The following CYRIA variants were observed in gnomAD, a reference collection of about 807,000 sequenced individuals.
CYRIA encodes CYFIP-related Rac1 interactor A.
CYRIA carries 15 observed loss-of-function variants against 43.9 expected under a neutral mutation model. The observed-to-expected ratio is 0.34, with a 90% CI of 0.23 to 0.53. The LOEUF (loss-of-function observed/expected upper bound fraction) is 0.53. Ranked by LOEUF, CYRIA falls within the 20% of genes least tolerant of loss-of-function variation. CYRIA has a pLI of 0.94. For missense variants in CYRIA, 236 were observed against 394.2 expected (o/e 0.60, Z 3.40); for synonymous variants, 117 against 136.0 (o/e 0.86, Z 0.97).
chr2:16,615,028 C>G (rs370297767), intron 2 of CYRIA, among the ~76,000 whole-genome samples: 16 of 152,322 alleles, frequency 1.1e-4, no homozygotes, highest in African/African-American at 3.8e-4. Context: ...CATAAAGGAG[C>G]TCTGGCAATG....
chr2:16,598,792 G>A (rs1668096305), intron 2 of CYRIA, among the ~76,000 whole-genome samples: 1 of 118,564 alleles, frequency 8.4e-6, no homozygotes, highest in Non-Finnish European at 1.7e-5. Flanking sequence ...CGTTCCTTTG[G>A]AGGAGGAGAG....
intron 10 of CYRIA, 104 bp downstream of exon 10, chr2:16,559,356 A>T: frequency 7.5e-7 from 1 of 1,337,086 alleles, no homozygotes; most frequent in East Asian, 2.4e-5. Flanking sequence ...TCTTAGAAAG[A>T]TCACTCTCAG....
intron 3 of CYRIA, among the ~76,000 whole-genome samples, chr2:16,581,816 G>A (rs1168024582): frequency 6.6e-6 from 1 of 151,872 alleles, no homozygotes; most frequent in Non-Finnish European, 1.5e-5. Flanking sequence ...TCATCAACAG[G>A]AAAATGAAAA....
At chr2:16,568,751 G>A (rs1357097386) in intron 3 of CYRIA, among the ~76,000 whole-genome samples, 2 of 152,190 alleles carry the variant, frequency 1.3e-5, no homozygotes, top group Admixed American at 1.3e-4. Context: ...TCAGGGCTAA[G>A]ACTATTTGAG....
chr2:16,654,643 A>T (rs1002671582), intron 1 of CYRIA, among the ~76,000 whole-genome samples: 1 of 152,174 alleles, frequency 6.6e-6, no homozygotes, highest in South Asian at 2.1e-4. Context: ...AGCAAATTTT[A>T]AAAAAAACCT....
intron 3 of CYRIA, among the ~76,000 whole-genome samples, chr2:16,566,351 G>A (rs971317405): frequency 6.6e-5 from 10 of 152,138 alleles, no homozygotes; most frequent in Admixed American, 6.5e-4. Flanking sequence ...GAATATTTCT[G>A]CTTTGATTGA....
At chr2:16,607,317 C>CG (rs1668440599) in intron 2 of CYRIA, among the ~76,000 whole-genome samples, 1 of 7,182 alleles carries the variant, frequency 1.4e-4, no homozygotes, top group Admixed American at 1.6e-3. Flanking sequence ...CAGGGAGGGG[C>CG]GGGTGGGGGG....
rs1017136684 is a variant in CYRIA, at chr2:16,551,434, C to T, written c.*1502G>A. ...TTTACTTAGAAGGGTTGAATCCCATCCCATAGTATGTATTCACAGCCACAT... is the reference window on the plus strand; with the variant it reads ...TTTACTTAGAAGGGTTGAATCCCATTCCATAGTATGTATTCACAGCCACAT... On this transcript the variant is annotated 3_prime_UTR_variant, in exon 12 of 12. Transcript: ENST00000381323. 3 of 152,118 alleles carry T rather than the reference C, an allele frequency of 2.0e-5. No homozygotes were observed. The highest frequency in any genetic ancestry group is 4.4e-5 in the Non-Finnish European group (3 of 68,014). The allele number at this position is 152,118 out of a possible 1,614,324, so 9.4% of individuals were successfully genotyped here.
intron 1 of CYRIA, among the ~76,000 whole-genome samples, chr2:16,635,731 T>C (rs561268602): frequency 6.6e-6 from 1 of 152,296 alleles, no homozygotes; most frequent in South Asian, 2.1e-4. Context: ...AGAGCCGCGA[T>C]GGTCAGAAGA....
At position 16,557,308 on chromosome 2, in the gene CYRIA, C is replaced by T. The variant is rs370954744; in HGVS notation, c.837+2152G>A. 8.5e-5 allele frequency among the ~76,000 whole-genome samples: 13 copies of T among 152,236 alleles called. No homozygotes were observed. In the East Asian group the frequency reaches 1.2e-3, roughly 14 times the overall value. On this transcript the variant is annotated intron_variant, in intron 10 of 11. Coordinates refer to ENST00000381323, the MANE Select transcript of CYRIA (RefSeq NM_030797.4). ...AACATCACCCTCTGTCTCTGCTCTTCGGCAAAACGAGTTTCTCCCTCCCCC... is the reference window on the plus strand; with the variant it reads ...AACATCACCCTCTGTCTCTGCTCTTTGGCAAAACGAGTTTCTCCCTCCCCC...
chr2:16,580,809 C>A (rs183615685), intron 3 of CYRIA, among the ~76,000 whole-genome samples: 1 of 152,168 alleles, frequency 6.6e-6, no homozygotes, highest in East Asian at 1.9e-4. Context: ...AACAGAGAGT[C>A]CTGAAGTAGC....
intron 1 of CYRIA, among the ~76,000 whole-genome samples, chr2:16,658,951 G>A (rs1466341813): frequency 2.0e-5 from 3 of 152,132 alleles, no homozygotes; most frequent in African/African-American, 7.2e-5. Flanking sequence ...CCTCAACTGG[G>A]AGCGATCCAC....
chr2:16,621,560 A>T (rs938007780), intron 2 of CYRIA, among the ~76,000 whole-genome samples: 1 of 152,172 alleles, frequency 6.6e-6, no homozygotes, highest in Non-Finnish European at 1.5e-5. Context: ...TAAACACCCA[A>T]GTCCTTTCTG....
chr2:16,659,220 G>C (rs1048761765), intron 1 of CYRIA, among the ~76,000 whole-genome samples: 1 of 152,152 alleles, frequency 6.6e-6, no homozygotes. Context: ...TTAACTCCAT[G>C]CTCCTCACAT....
chr2:16,555,213 T>G, intron 10 of CYRIA, 74 bp from the exon 11 acceptor site: 1 of 1,332,368 alleles, frequency 7.5e-7, no homozygotes, highest in Non-Finnish European at 1.1e-6. Context: ...CATAATAACA[T>G]GTGCCCATAA....
intron 3 of CYRIA, among the ~76,000 whole-genome samples, chr2:16,587,353 T>A (rs1667767479): frequency 1.3e-5 from 2 of 152,122 alleles, no homozygotes; most frequent in South Asian, 4.1e-4. Context: ...TTTCTTCACA[T>A]CTTTTTTCCT....
At chr2:16,583,889 A>G (rs560764985) in intron 3 of CYRIA, among the ~76,000 whole-genome samples, 2 of 152,228 alleles carry the variant, frequency 1.3e-5, no homozygotes, top group Non-Finnish European at 2.9e-5. Context: ...GAGAATTTAA[A>G]TCAGATCTAT....
chr2:16,602,121 T>A (rs1467212307), intron 2 of CYRIA, among the ~76,000 whole-genome samples: 1 of 152,196 alleles, frequency 6.6e-6, no homozygotes, highest in Non-Finnish European at 1.5e-5. Context: ...AACAAATCAA[T>A]ACAACAGCAG....
chr2:16,642,517 C>G (rs1669704395), intron 1 of CYRIA, among the ~76,000 whole-genome samples: 1 of 152,182 alleles, frequency 6.6e-6, no homozygotes, highest in Non-Finnish European at 1.5e-5. Flanking sequence ...CAGTTCCACC[C>G]CTGACACCCT....
Sources: gnomAD v4.1 joint callset for allele counts (sites outside exome capture counted in the v4.1 genomes callset) on GRCh38, gnomAD v4.1.1 for gene constraint, MANE v1.5 for transcripts, NCBI Gene and HGNC (gene_info 2026-07-23, HGNC 2026-07-21) for gene names.